L3MBTL1: variants seen among roughly 807,000 people sequenced by gnomAD.
L3MBTL1 encodes the protein L3MBTL histone methyl-lysine binding protein 1.
A neutral mutation model predicts 105.3 loss-of-function variants in L3MBTL1; 75 were observed. The observed-to-expected ratio is 0.71, with a 90% CI of 0.59 to 0.86. L3MBTL1 has a LOEUF of 0.86. Among genes scored for constraint, L3MBTL1 ranks in the 40% least tolerant of loss-of-function variants. L3MBTL1 has a pLI of 0.00. For missense variants in L3MBTL1, 1,069 were observed against 1,126.4 expected (o/e 0.95, Z 0.73); for synonymous variants, 452 against 436.2 (o/e 1.04, Z -0.45).
At chr20:43,532,635 C>T (rs1449844448) in intron 11 of L3MBTL1, 138 bp from the exon 12 acceptor site, 3 of 947,048 alleles carry the variant, frequency 3.2e-6, no homozygotes, top group African/African-American at 1.6e-5. Flanking sequence ...GCCCTCTTTC[C>T]CAGCTTATTT....
chr20:43,522,385 T>C (rs1180570358), intron 7 of L3MBTL1, among the ~76,000 whole-genome samples: 3 of 145,658 alleles, frequency 2.1e-5, no homozygotes, highest in Admixed American at 7.0e-5. Flanking sequence ...AGATATAATA[T>C]CAATACACAA....
intron 7 of L3MBTL1, among the ~76,000 whole-genome samples, chr20:43,517,401 T>G (rs1600901194): frequency 6.6e-6 from 1 of 152,204 alleles, no homozygotes; most frequent in African/African-American, 2.4e-5. Flanking sequence ...GCCTTTTTTT[T>G]AATTTTAATT....
intron 7 of L3MBTL1, among the ~76,000 whole-genome samples, chr20:43,521,792 A>G (rs1419800698): frequency 6.6e-6 from 1 of 152,178 alleles, no homozygotes; most frequent in African/African-American, 2.4e-5. Context: ...AGTGCAAGCG[A>G]TCCTCCTGCC....
intron 7 of L3MBTL1, among the ~76,000 whole-genome samples, chr20:43,528,437 G>A (rs529199725): frequency 2.0e-5 from 3 of 152,198 alleles, no homozygotes; most frequent in Non-Finnish European, 2.9e-5. Context: ...GAGCGGGTGG[G>A]GGGGAAGTGA....
chr20:43,510,410 T>TTTC (rs2018101458), intron 1 of L3MBTL1, among the ~76,000 whole-genome samples: 6 of 119,436 alleles, frequency 5.0e-5, no homozygotes, highest in African/African-American at 9.0e-5. Context: ...TTCTTTCTTT[T>TTTC]TTTTTTTTTT....
chr20:43,518,563 T>C (rs1029548664), intron 7 of L3MBTL1, among the ~76,000 whole-genome samples: 1 of 152,152 alleles, frequency 6.6e-6, no homozygotes, highest in African/African-American at 2.4e-5. Flanking sequence ...TTAATAGATA[T>C]TCTGACTGTG....
chr20:43,530,174 T>TTTCTCAGGG lies in L3MBTL1; in HGVS notation c.1057-110_1057-109insTTCTCAGGG, dbSNP rs1489241863. ...GAAAGAAAGGTGGGGTTGGGGAACC[T>TTTCTCAGGG]GCTAGCATTAGAGCCCCTGAGACCA... On this transcript the variant is annotated intron_variant, in intron 9 of 21. Coordinates refer to ENST00000418998, the MANE Select transcript of L3MBTL1 (RefSeq NM_001377303.1). 7 of 1,377,916 alleles carry TTTCTCAGGG rather than the reference T, an allele frequency of 5.1e-6. No individual in the cohort carries two copies. In the African/African-American group the frequency reaches 8.7e-5, roughly 17 times the overall value. 85.4% of individuals were successfully genotyped at this position (1,377,916 alleles called of 1,614,324 possible).
At chr20:43,511,780 CA>C (rs35702977) in intron 1 of L3MBTL1, among the ~76,000 whole-genome samples, 30,958 of 106,392 alleles carry the variant, frequency 0.29, 3,218 homozygotes, top group East Asian at 0.43. Flanking sequence ...GACTCCATCT[CA>C]AAAAAAAAAA....
rs1335324320 is a variant in L3MBTL1 at position 43,515,124 on chromosome 20, C to T, written c.618C>T (p.Ser206=). The T allele has an allele frequency of 3.1e-6, 5 of 1,614,040 alleles. No homozygotes were observed. Among genetic ancestry groups the T allele is most frequent in the Admixed American group, 3.3e-5 (2 of 60,004 alleles). ...AAGCCGCGGGTCCAGATCTTGGTTC[C>T]TCTAATGATGGCTGCCCTCAGCTGT... is the stretch of plus-strand genomic sequence containing the variant. The part of the protein sequence containing the change: ...PHQAAGPDLG[S]SNDGCPQLFQ... The change falls in exon 5 of 22, where the codon TCC becomes TCT. Residue 206 remains serine, a synonymous_variant. Transcript: ENST00000418998.
intron 20 of L3MBTL1, 88 bp downstream of exon 20, chr20:43,540,396 A>G: frequency 7.0e-7 from 1 of 1,423,536 alleles, no homozygotes. Context: ...GTCAGGTAGA[A>G]CCCGGTACCA....
intron 12 of L3MBTL1, 30 bp downstream of exon 12, chr20:43,532,954 G>A: frequency 1.9e-6 from 3 of 1,613,440 alleles, no homozygotes; most frequent in Non-Finnish European, 2.5e-6. Context: ...TTGGCCTCAG[G>A]GGGTGAGGGG....
intron 1 of L3MBTL1, among the ~76,000 whole-genome samples, chr20:43,512,692 A>G (rs2018164955): frequency 6.6e-6 from 1 of 152,238 alleles, no homozygotes; most frequent in Non-Finnish European, 1.5e-5. Flanking sequence ...TGGTAAGGCA[A>G]GTAGGACAGT....
chr20:43,512,078 T>C (rs923726306), intron 1 of L3MBTL1, among the ~76,000 whole-genome samples: 1 of 152,146 alleles, frequency 6.6e-6, no homozygotes, highest in Non-Finnish European at 1.5e-5. Flanking sequence ...GTAAGGGCAA[T>C]AGAGAGCCAC....
chr20:43,546,540 G>T (rs1055083081), downstream of L3MBTL1, among the ~76,000 whole-genome samples: 1 of 152,122 alleles, frequency 6.6e-6, no homozygotes, highest in African/African-American at 2.4e-5. Context: ...TGCCTGGCAC[G>T]TAAGAAACAA....
At chr20:43,530,163 G>C in intron 9 of L3MBTL1, 121 bp from the exon 10 acceptor site, 1 of 1,232,664 alleles carries the variant, frequency 8.1e-7, no homozygotes, top group Non-Finnish European at 1.2e-6. Flanking sequence ...GAAAGGTGGG[G>C]TTGGGGAACC....
chr20:43,530,464 G>T (rs1485011314), intron 10 of L3MBTL1, 45 bp downstream of exon 10: 4 of 1,590,764 alleles, frequency 2.5e-6, no homozygotes, highest in Non-Finnish European at 3.4e-6. Flanking sequence ...TGAGTCCTCA[G>T]ACCCTTCGCT....
At chr20:43,516,044 A>G (rs763930454) in intron 6 of L3MBTL1, 49 bp from the exon 7 acceptor site, 2 of 1,441,742 alleles carry the variant, frequency 1.4e-6, no homozygotes, top group Admixed American at 3.3e-5. Context: ...CTAGGGCTTC[A>G]TCCCAAACCA....
In L3MBTL1 at chr20:43,533,431, C is replaced by G. The variant is rs2019444085; in HGVS notation, c.1513+13C>G. ...ACCCCTCCACAAGGTGACCCTGCAG[C>G]CTGAGCAAGCCCCCTTTCCTAAGCC... On this transcript the variant is annotated intron_variant, in intron 13 of 21. Transcript: ENST00000418998. 3.7e-6 allele frequency: 6 copies of G among 1,607,162 alleles called. No homozygotes were observed. Among genetic ancestry groups the G allele is most frequent in the Non-Finnish European group, 5.1e-6 (6 of 1,176,604 alleles).
chr20:43,526,326 T>TA (rs1325883321), intron 7 of L3MBTL1, among the ~76,000 whole-genome samples: 2 of 152,104 alleles, frequency 1.3e-5, no homozygotes, highest in Admixed American at 6.5e-5. Context: ...GAAGAGGTCT[T>TA]ATGCATGATG....
Sources: allele counts gnomAD v4.1 joint callset (sites outside exome capture counted in the v4.1 genomes callset), GRCh38; gene constraint gnomAD v4.1.1; transcripts MANE v1.5; gene names NCBI Gene and HGNC (gene_info 2026-07-23, HGNC 2026-07-21).